The following WDR7 variants were observed in gnomAD, a reference collection of about 807,000 sequenced individuals.
The protein encoded by WDR7 is WD repeat-containing protein 7.
Under a neutral mutation model 169.4 loss-of-function variants are expected in WDR7, and 46 were observed. The observed-to-expected ratio is 0.27, with a 90% CI of 0.21 to 0.35. WDR7 has a LOEUF of 0.35. WDR7 is among the 10% of genes least tolerant of loss of function. WDR7 has a pLI of 1.00. For missense variants in WDR7, 1,534 were observed against 1,859.3 expected (o/e 0.83, Z 3.22); for synonymous variants, 612 against 666.8 (o/e 0.92, Z 1.27).
At chr18:56,821,360 A>G (rs35496271) in intron 20 of WDR7, among the ~76,000 whole-genome samples, 8,951 of 152,150 alleles carry the variant, frequency 0.059, 979 homozygotes, top group East Asian at 0.47. Flanking sequence ...ATTTCCAGAT[A>G]TGTAGTTGAG....
chr18:56,701,735 A>G (rs1194153341), intron 12 of WDR7, among the ~76,000 whole-genome samples: 1 of 152,196 alleles, frequency 6.6e-6, no homozygotes, highest in Non-Finnish European at 1.5e-5. Flanking sequence ...GTACCTTAAA[A>G]TATTTCATAA....
At chr18:56,740,740 T>C (rs758696639) in intron 14 of WDR7, among the ~76,000 whole-genome samples, 2 of 152,164 alleles carry the variant, frequency 1.3e-5, no homozygotes, top group African/African-American at 2.4e-5. Context: ...CTACTTCTTA[T>C]CTTCTTAGCA....
intron 20 of WDR7, among the ~76,000 whole-genome samples, chr18:56,851,607 G>T (rs2045641668): frequency 6.6e-6 from 1 of 152,138 alleles, no homozygotes; most frequent in Admixed American, 6.5e-5. Context: ...ATTGTTTGTT[G>T]CCTGATTTAA....
chr18:56,815,898 A>C, intron 19 of WDR7, 133 bp from the exon 20 acceptor site: 1 of 672,446 alleles, frequency 1.5e-6, no homozygotes, highest in Admixed American at 3.2e-5. Flanking sequence ...TTGTGTCTCT[A>C]ATTTTGGTGA....
intron 12 of WDR7, among the ~76,000 whole-genome samples, chr18:56,714,676 A>G (rs993737001): frequency 2.6e-5 from 4 of 151,976 alleles, no homozygotes; most frequent in African/African-American, 9.7e-5. Flanking sequence ...GACCTCCCAA[A>G]GTGCTGGTAT....
intron 27 of WDR7, among the ~76,000 whole-genome samples, chr18:57,024,535 A>G (rs9963132): frequency 0.052 from 2,436 of 46,450 alleles, 73 homozygotes; most frequent in South Asian, 0.11. Context: ...CTATTCTCAG[A>G]CAGGAATAGG....
chr18:56,976,795 A>G (rs1227283131), intron 26 of WDR7, among the ~76,000 whole-genome samples: 1 of 152,236 alleles, frequency 6.6e-6, no homozygotes, highest in Non-Finnish European at 1.5e-5. Context: ...TGAAAATGGA[A>G]CTATCATGAT....
At chr18:57,036,534 CT>C in the WDR7 span, 1 of 152,434 alleles carries the variant, frequency 6.6e-6, no homozygotes, top group Non-Finnish European at 1.5e-5. Flanking sequence ...CAGCTCCCCC[CT>C]GCCTATGTAT....
chr18:56,884,579 A>C (rs2046160182), intron 21 of WDR7, among the ~76,000 whole-genome samples: 1 of 152,114 alleles, frequency 6.6e-6, no homozygotes, highest in Non-Finnish European at 1.5e-5. Context: ...TCTTTCCCTA[A>C]GCCAATGTCT....
chr18:56,859,550 G>T (rs2045772990), intron 20 of WDR7, among the ~76,000 whole-genome samples: 1 of 152,092 alleles, frequency 6.6e-6, no homozygotes, highest in South Asian at 2.1e-4. Flanking sequence ...GTATGTCTAT[G>T]TGTTCGCCTT....
intron 9 of WDR7, among the ~76,000 whole-genome samples, chr18:56,693,101 T>C (rs1038317343): frequency 6.6e-6 from 1 of 152,140 alleles, no homozygotes; most frequent in Non-Finnish European, 1.5e-5. Flanking sequence ...AGTCAAACGA[T>C]TGGTTATGCT....
chr18:56,841,971 A>G (rs2045493743), intron 20 of WDR7, among the ~76,000 whole-genome samples: 1 of 152,206 alleles, frequency 6.6e-6, no homozygotes. Context: ...AAATGTTGAA[A>G]TACTGATTAC....
chr18:56,834,558 C>T (rs1273224411), intron 20 of WDR7, among the ~76,000 whole-genome samples: 3 of 152,034 alleles, frequency 2.0e-5, no homozygotes, highest in Non-Finnish European at 4.4e-5. Context: ...CTAGACCCTT[C>T]TCTCTTCCAT....
intron 16 of WDR7, among the ~76,000 whole-genome samples, chr18:56,760,566 C>A (rs1021895952): frequency 6.6e-6 from 1 of 152,112 alleles, no homozygotes; most frequent in East Asian, 1.9e-4. Flanking sequence ...ACAGTTTATT[C>A]TCTTTTTTTG....
chr18:56,811,941 C>T (rs559777610), intron 19 of WDR7, among the ~76,000 whole-genome samples: 2 of 152,164 alleles, frequency 1.3e-5, no homozygotes, highest in East Asian at 3.9e-4. Context: ...ATTGTTTTGT[C>T]CTAATTCCTT....
intron 12 of WDR7, among the ~76,000 whole-genome samples, chr18:56,710,377 G>A (rs1406365431): frequency 6.6e-6 from 1 of 152,078 alleles, no homozygotes; most frequent in Non-Finnish European, 1.5e-5. Flanking sequence ...TTATACTGTA[G>A]ATACAGTTTC....
chr18:56,719,713 G>T (rs1317192704), intron 13 of WDR7, among the ~76,000 whole-genome samples: 1 of 151,992 alleles, frequency 6.6e-6, no homozygotes, highest in Non-Finnish European at 1.5e-5. Flanking sequence ...TATGGAATTT[G>T]TCTTTAGTTC....
At position 56,810,482 on chromosome 18, in the gene WDR7, TG is replaced by T. The variant is rs532888555; in HGVS notation, c.3191-5546del. ...AACAAGTCAATCACTTCTTATTGAT[TG>T]GGAACAAAATAATACAGAAATTTTG... On this transcript the variant is annotated intron_variant, in intron 19 of 27. Coordinates refer to ENST00000254442, the MANE Select transcript of WDR7 (RefSeq NM_015285.3). Among the ~76,000 whole-genome samples, 174 of 152,306 alleles carry T rather than the reference TG, an allele frequency of 1.1e-3. 1 individual carries two copies. Among genetic ancestry groups the T allele is most frequent in the African/African-American group, 4.0e-3 (168 of 41,580 alleles).
Position 57,020,856 on chromosome 18 carries a change from G to C in WDR7, c.4269+7G>C. ...CCACATTTCTTTTTGGCAGGTAAGA[G>C]TAGATGCTCCAGGGTCTTAAAGCAT... On this transcript the variant is annotated splice_region_variant and intron_variant, in intron 27 of 27. Transcript: ENST00000254442. 2 of 1,613,726 alleles carry C rather than the reference G, an allele frequency of 1.2e-6. No individual in the cohort carries two copies. The highest frequency in any genetic ancestry group is 1.7e-6 in the Non-Finnish European group (2 of 1,179,594).
Sources: gnomAD v4.1 joint callset for allele counts (sites outside exome capture counted in the v4.1 genomes callset) on GRCh38, gnomAD v4.1.1 for gene constraint, MANE v1.5 for transcripts, NCBI Gene and HGNC (gene_info 2026-07-23, HGNC 2026-07-21) for gene names.